The following DLGAP2 variants were observed in gnomAD, a reference collection of about 807,000 sequenced individuals.
DLGAP2 encodes the protein DLG associated protein 2, also known as disks large-associated protein 2.
Under a neutral mutation model 100.3 loss-of-function variants are expected in DLGAP2, and 26 were observed. The observed-to-expected ratio is 0.26, with a 90% CI of 0.19 to 0.36. The LOEUF is 0.36. Among genes scored for constraint, DLGAP2 ranks in the 10% least tolerant of loss-of-function variants. DLGAP2 has a pLI of 1.00. For synonymous variants in DLGAP2, 886 were observed against 630.1 expected (o/e 1.41, Z -6.08); for missense variants, 1,858 against 1,453.2 (o/e 1.28, Z -4.53).
At chr8:1,553,796 T>C (rs1247083552) in intron 5 of DLGAP2, among the ~76,000 whole-genome samples, 1 of 152,210 alleles carries the variant, frequency 6.6e-6, no homozygotes, top group Non-Finnish European at 1.5e-5. Flanking sequence ...GTCTGTTTTG[T>C]AGGCCGTGCA....
intron 2 of DLGAP2, among the ~76,000 whole-genome samples, chr8:1,185,763 G>T (rs1457345027): frequency 6.6e-6 from 1 of 151,434 alleles, no homozygotes; most frequent in African/African-American, 2.4e-5. Flanking sequence ...ACATTCAGGA[G>T]ATCCAGTCAG....
At chr8:1,373,304 G>A (rs377684991) in intron 3 of DLGAP2, among the ~76,000 whole-genome samples, 6 of 138,306 alleles carry the variant, frequency 4.3e-5, no homozygotes, top group East Asian at 3.9e-4. Context: ...AGCAGGGGCC[G>A]CGGGCGGCAG....
intron 3 of DLGAP2, among the ~76,000 whole-genome samples, chr8:1,304,886 A>G (rs945408325): frequency 1.3e-5 from 2 of 152,260 alleles, no homozygotes; most frequent in African/African-American, 2.4e-5. Context: ...GTTCACTGCA[A>G]TCGCATTTGA....
intron 10 of DLGAP2, 22 bp from the exon 11 acceptor site, chr8:1,676,511 A>G: frequency 6.2e-7 from 1 of 1,607,672 alleles, no homozygotes; most frequent in African/African-American, 1.3e-5. Flanking sequence ...GTTCTAAAAT[A>G]AGACGTTCTC....
intron 2 of DLGAP2, among the ~76,000 whole-genome samples, chr8:1,240,646 C>G (rs1484597009): frequency 6.6e-6 from 1 of 150,758 alleles, no homozygotes; most frequent in Non-Finnish European, 1.5e-5. Context: ...CTAGTTCTCT[C>G]TCACACAGAG....
intron 2 of DLGAP2, among the ~76,000 whole-genome samples, chr8:1,066,807 G>T (rs1224171574): frequency 5.9e-5 from 9 of 152,236 alleles, no homozygotes; most frequent in Admixed American, 5.9e-4. Context: ...TGTAGGGCAG[G>T]TCTTCATGGT....
chr8:1,196,553 A>G (rs1797753157), intron 2 of DLGAP2, among the ~76,000 whole-genome samples: 1 of 152,218 alleles, frequency 6.6e-6, no homozygotes, highest in African/African-American at 2.4e-5. Flanking sequence ...TCAGCTGATA[A>G]GCAAAAGAAT....
At chr8:1,361,072 C>T (rs1222541991) in intron 3 of DLGAP2, among the ~76,000 whole-genome samples, 2 of 152,220 alleles carry the variant, frequency 1.3e-5, no homozygotes, top group Non-Finnish European at 2.9e-5. Context: ...TGGGCAGTGG[C>T]CGGGACCAGC....
intron 1 of DLGAP2, among the ~76,000 whole-genome samples, chr8:904,583 C>T (rs116124738): frequency 0.011 from 1,612 of 152,294 alleles, 23 homozygotes; most frequent in African/African-American, 0.037. Context: ...GGGGGTGCTT[C>T]TTCTCCACGT....
intron 2 of DLGAP2, among the ~76,000 whole-genome samples, chr8:1,090,206 G>A (rs112257711): frequency 0.023 from 2,301 of 100,612 alleles, 83 homozygotes; most frequent in South Asian, 0.038. Context: ...GCCTGTCTGC[G>A]CTCTGGAGCC....
chr8:842,448 G>A (rs1381804711), intron 1 of DLGAP2, among the ~76,000 whole-genome samples: 2 of 152,198 alleles, frequency 1.3e-5, no homozygotes, highest in African/African-American at 4.8e-5. Context: ...TCCCTTAAAA[G>A]TAACTCATCT....
At chr8:850,541 A>G (rs1468468743) in intron 1 of DLGAP2, among the ~76,000 whole-genome samples, 2 of 152,200 alleles carry the variant, frequency 1.3e-5, no homozygotes, top group South Asian at 2.1e-4. Flanking sequence ...TTGTCAGAGT[A>G]TGTATCTATG....
intron 3 of DLGAP2, among the ~76,000 whole-genome samples, chr8:1,428,725 G>A (rs1392690719): frequency 6.6e-6 from 1 of 152,212 alleles, no homozygotes; most frequent in Non-Finnish European, 1.5e-5. Flanking sequence ...ATGGCTCAGT[G>A]CCAGCAAATG....
intron 2 of DLGAP2, among the ~76,000 whole-genome samples, chr8:1,113,990 G>C (rs4735840): frequency 6.6e-6 from 1 of 152,174 alleles, no homozygotes; most frequent in African/African-American, 2.4e-5. Flanking sequence ...TTTATGTGAT[G>C]AATCACATTG....
At chr8:1,189,823 A>C (rs1797595140) in intron 2 of DLGAP2, among the ~76,000 whole-genome samples, 1 of 152,144 alleles carries the variant, frequency 6.6e-6, no homozygotes, top group Admixed American at 6.5e-5. Flanking sequence ...GGTCCCCCTG[A>C]GGGCAAGAAG....
intron 2 of DLGAP2, among the ~76,000 whole-genome samples, chr8:1,098,145 C>G (rs1474541348): frequency 6.6e-6 from 1 of 152,274 alleles, no homozygotes; most frequent in Admixed American, 6.5e-5. Flanking sequence ...CGTCCCTCCC[C>G]AAGAGCACAG....
intron 1 of DLGAP2, among the ~76,000 whole-genome samples, chr8:769,931 G>A (rs1035571456): frequency 6.6e-6 from 1 of 152,108 alleles, no homozygotes; most frequent in African/African-American, 2.4e-5. Context: ...AGCTGCGGGG[G>A]TCATGCCGAC....
At chr8:1,676,940 C>T (rs781132998) in intron 11 of DLGAP2, among the ~76,000 whole-genome samples, 2 of 152,176 alleles carry the variant, frequency 1.3e-5, no homozygotes, top group Non-Finnish European at 1.5e-5. Flanking sequence ...GCAGGCCTTA[C>T]GCCTTGTCAT....
chr8:1,309,954 G>C (rs1014813956), intron 3 of DLGAP2, among the ~76,000 whole-genome samples: 1 of 151,718 alleles, frequency 6.6e-6, no homozygotes, highest in African/African-American at 2.4e-5. Context: ...AATTAGCCAG[G>C]TGTGGTGTTG....
Sources: allele counts gnomAD v4.1 joint callset (sites outside exome capture counted in the v4.1 genomes callset), GRCh38; gene constraint gnomAD v4.1.1; transcripts MANE v1.5; gene names NCBI Gene and HGNC (gene_info 2026-07-23, HGNC 2026-07-21).